The following DDX10 variants were observed in gnomAD, a reference collection of about 807,000 sequenced individuals.
The protein encoded by DDX10 is probable ATP-dependent RNA helicase DDX10.
Under a neutral mutation model 104.3 loss-of-function variants are expected in DDX10, and 74 were observed. That is an observed-to-expected ratio of 0.71 (90% CI 0.59 to 0.86). The LOEUF (loss-of-function observed/expected upper bound fraction) is 0.86, where lower values mean the gene tolerates loss of function less well. DDX10 is among the 40% of genes least tolerant of loss of function. The probability of loss-of-function intolerance (pLI) is 0.00; values close to 1 mark genes in which losing one functional copy is unlikely to be tolerated. For synonymous variants in DDX10, 351 were observed against 353.4 expected (o/e 0.99, Z 0.08); for missense variants, 952 against 1,040.0 (o/e 0.92, Z 1.16).
At chr11:108,833,233 T>A (rs1184178433) in intron 13 of DDX10, among the ~76,000 whole-genome samples, 2 of 152,218 alleles carry the variant, frequency 1.3e-5, no homozygotes, top group Non-Finnish European at 2.9e-5. Context: ...CTTGACATGC[T>A]CTTCTCACCC....
At chr11:108,733,947 T>TA (rs2094315374) in intron 13 of DDX10, among the ~76,000 whole-genome samples, 1 of 152,198 alleles carries the variant, frequency 6.6e-6, no homozygotes, top group African/African-American at 2.4e-5. Context: ...AGTTTCCACT[T>TA]AAACAGTGAA....
intron 13 of DDX10, among the ~76,000 whole-genome samples, chr11:108,802,388 C>T (rs1167732046): frequency 6.6e-6 from 1 of 152,084 alleles, no homozygotes; most frequent in Non-Finnish European, 1.5e-5. Flanking sequence ...CCAACAAAAA[C>T]TGACTGAAAA....
chr11:108,745,998 C>T (rs1264367133), intron 13 of DDX10, among the ~76,000 whole-genome samples: 1 of 152,050 alleles, frequency 6.6e-6, no homozygotes, highest in Non-Finnish European at 1.5e-5. Context: ...TCAGCCATTA[C>T]CATGATCAGT....
At chr11:108,697,261 C>A (rs1342936333) in intron 9 of DDX10, among the ~76,000 whole-genome samples, 1 of 146,292 alleles carries the variant, frequency 6.8e-6, no homozygotes, top group South Asian at 2.2e-4. Context: ...TTAAAACTTG[C>A]CAATAATGGG....
intron 15 of DDX10, among the ~76,000 whole-genome samples, chr11:108,842,646 G>C (rs570335787): frequency 6.6e-6 from 1 of 152,336 alleles, no homozygotes; most frequent in East Asian, 1.9e-4. Context: ...AACCTGAAAC[G>C]TACTGGTTGT....
intron 16 of DDX10, among the ~76,000 whole-genome samples, chr11:108,857,761 A>T (rs1205227692): frequency 6.6e-6 from 1 of 152,244 alleles, no homozygotes; most frequent in Non-Finnish European, 1.5e-5. Flanking sequence ...GCTTTATATG[A>T]CGCTGAAGCG....
chr11:108,875,650 A>T lies in DDX10; in HGVS notation c.2304+23441A>T, dbSNP rs1010728840. Among the ~76,000 whole-genome samples, 8 of 152,222 alleles carry T rather than the reference A, an allele frequency of 5.3e-5. 1 individual carries two copies. The highest frequency in any genetic ancestry group is 1.9e-4 in the African/African-American group (8 of 41,456). On this transcript the variant is annotated intron_variant, in intron 16 of 17. Transcript: ENST00000322536. ...TGTCCAGGAGAGCAGTTAGAAAAAG[A>T]GAGGATCTTTGTTTCCACAGAAAGA...
At chr11:108,739,815 CTAAACCTAAAT>C (rs1591805916) in intron 13 of DDX10, among the ~76,000 whole-genome samples, 1 of 152,082 alleles carries the variant, frequency 6.6e-6, no homozygotes, top group African/African-American at 2.4e-5. Context: ...GAAATCATTC[CTAAACCTAAAT>C]TAATCCACCC....
At chr11:108,747,668 A>G (rs2094333498) in intron 13 of DDX10, among the ~76,000 whole-genome samples, 2 of 152,024 alleles carry the variant, frequency 1.3e-5, no homozygotes, top group South Asian at 2.1e-4. Context: ...TATGCCTCCT[A>G]TTACTTCCTA....
chr11:108,817,160 T>C (rs1218937206), intron 13 of DDX10, among the ~76,000 whole-genome samples: 1 of 152,230 alleles, frequency 6.6e-6, no homozygotes, highest in African/African-American at 2.4e-5. Context: ...CTTATCAACA[T>C]AAACAGTGTT....
intron 11 of DDX10, among the ~76,000 whole-genome samples, chr11:108,719,129 GAAAC>G (rs1229928651): frequency 8.8e-6 from 1 of 113,388 alleles, no homozygotes; most frequent in African/African-American, 3.4e-5. Flanking sequence ...TTTTTTAACA[GAAAC>G]AAAATATTCC....
chr11:108,786,099 A>G (rs1317554201), intron 13 of DDX10, among the ~76,000 whole-genome samples: 4 of 152,136 alleles, frequency 2.6e-5, no homozygotes, highest in African/African-American at 9.7e-5. Flanking sequence ...CATTGTTCAT[A>G]TAATGAACAA....
chr11:108,713,572 T>TA (rs1431810468), intron 10 of DDX10, among the ~76,000 whole-genome samples: 2 of 152,138 alleles, frequency 1.3e-5, no homozygotes, highest in African/African-American at 4.8e-5. Flanking sequence ...TTTTATCTAT[T>TA]AGAATCCCTA....
chr11:108,747,343 C>T (rs1400347795), intron 13 of DDX10, among the ~76,000 whole-genome samples: 1 of 152,104 alleles, frequency 6.6e-6, no homozygotes, highest in Non-Finnish European at 1.5e-5. Flanking sequence ...CCTGGAGCTT[C>T]TATATTAAAA....
At chr11:108,707,696 A>G (rs150479394) in intron 10 of DDX10, among the ~76,000 whole-genome samples, 1 of 152,346 alleles carries the variant, frequency 6.6e-6, no homozygotes, top group African/African-American at 2.4e-5. Context: ...TGTCATTTAT[A>G]GGTTACTAAA....
chr11:108,850,678 C>T (rs1315685875), intron 15 of DDX10, among the ~76,000 whole-genome samples: 4 of 152,048 alleles, frequency 2.6e-5, no homozygotes, highest in African/African-American at 9.7e-5. Context: ...AAAGAATTGG[C>T]AACATTTGTC....
intron 13 of DDX10, among the ~76,000 whole-genome samples, chr11:108,803,837 A>G (rs775144489): frequency 6.6e-6 from 1 of 152,188 alleles, no homozygotes; most frequent in East Asian, 1.9e-4. Flanking sequence ...GCAAATGCTC[A>G]TGTGTTAGAA....
chr11:108,754,171 G>C (rs533398350), intron 13 of DDX10, among the ~76,000 whole-genome samples: 2 of 152,078 alleles, frequency 1.3e-5, no homozygotes, highest in East Asian at 1.9e-4. Context: ...GAAGTGAATC[G>C]TTTAGCTGAA....
intron 11 of DDX10, among the ~76,000 whole-genome samples, chr11:108,717,159 GC>G (rs1187570355): frequency 1.1e-4 from 16 of 152,140 alleles, no homozygotes; most frequent in Admixed American, 2.6e-4. Flanking sequence ...TTCTATTTCA[GC>G]AGATAGATGA....
Sources: allele counts gnomAD v4.1 joint callset (sites outside exome capture counted in the v4.1 genomes callset), GRCh38; gene constraint gnomAD v4.1.1; transcripts MANE v1.5; gene names NCBI Gene and HGNC (gene_info 2026-07-23, HGNC 2026-07-21).